Variants in ZCCHC14 observed in about 807,000 individuals in gnomAD.
ZCCHC14 encodes the protein zinc finger CCHC domain-containing protein 14.
ZCCHC14 carries 16 observed loss-of-function variants against 85.0 expected under a neutral mutation model. That is an observed-to-expected ratio of 0.19 (90% CI 0.13 to 0.29). ZCCHC14 has a LOEUF of 0.29. Among genes scored for constraint, ZCCHC14 ranks in the 10% least tolerant of loss-of-function variants. ZCCHC14 has a pLI of 1.00. For synonymous variants in ZCCHC14, 775 were observed against 630.7 expected (o/e 1.23, Z -3.43); for missense variants, 1,303 against 1,443.5 (o/e 0.90, Z 1.58).
intron 1 of ZCCHC14, among the ~76,000 whole-genome samples, chr16:87,476,415 A>G (rs1912007022): frequency 6.6e-6 from 1 of 152,082 alleles, no homozygotes; most frequent in Non-Finnish European, 1.5e-5. Flanking sequence ...CAACAATACT[A>G]TATATGTTGT....
Position 87,448,803 on chromosome 16 carries a change from T to G in ZCCHC14, c.694+11205A>C, listed in dbSNP as rs567067308. On this transcript the variant is annotated intron_variant, in intron 2 of 12. Coordinates refer to ENST00000671377, the MANE Select transcript of ZCCHC14 (RefSeq NM_015144.3). Reference sequence around the variant, plus strand: ...AAAAGATCAGCCTCTGTTCTCTGACTTGTCTGTGTACTTTGCAGTAGTCTG... The same window carrying G: ...AAAAGATCAGCCTCTGTTCTCTGACGTGTCTGTGTACTTTGCAGTAGTCTG... 2.6e-5 allele frequency among the ~76,000 whole-genome samples: 4 copies of G among 152,346 alleles called. No individual in the cohort carries two copies. The East Asian group carries it at 7.7e-4, about 29-fold the overall frequency.
At chr16:87,458,495 A>C (rs1911087112) in intron 2 of ZCCHC14, among the ~76,000 whole-genome samples, 1 of 152,202 alleles carries the variant, frequency 6.6e-6, no homozygotes, top group Non-Finnish European at 1.5e-5. Flanking sequence ...GAGCCCTCGC[A>C]GGGCTGCAGT....
At chr16:87,410,792 C>CT (rs1341744921) in intron 12 of ZCCHC14, among the ~76,000 whole-genome samples, 1 of 152,170 alleles carries the variant, frequency 6.6e-6, no homozygotes, top group Non-Finnish European at 1.5e-5. Flanking sequence ...AGGCGTGTTT[C>CT]TAAAAACTCT....
At chr16:87,458,515 C>A (rs1001978343) in intron 2 of ZCCHC14, among the ~76,000 whole-genome samples, 1 of 152,188 alleles carries the variant, frequency 6.6e-6, no homozygotes, top group Non-Finnish European at 1.5e-5. Flanking sequence ...TAAGGAGTTA[C>A]TGTCTCCATA....
At chr16:87,436,167 G>A (rs1909910193) in intron 2 of ZCCHC14, among the ~76,000 whole-genome samples, 1 of 152,240 alleles carries the variant, frequency 6.6e-6, no homozygotes, top group Non-Finnish European at 1.5e-5. Flanking sequence ...CTGAGAGTAG[G>A]AAGTGACTCA....
At chr16:87,486,454 T>C (rs1448272696) in intron 1 of ZCCHC14, among the ~76,000 whole-genome samples, 1 of 152,256 alleles carries the variant, frequency 6.6e-6, no homozygotes, top group African/African-American at 2.4e-5. Flanking sequence ...CTCTACAATG[T>C]GGCCCAGAGG....
chr16:87,417,409 T>C (rs749660996), intron 8 of ZCCHC14, 51 bp downstream of exon 8: 2 of 1,590,518 alleles, frequency 1.3e-6, no homozygotes, highest in South Asian at 1.1e-5. Flanking sequence ...CAGGGAGGTC[T>C]TGAGTAAACA....
At chr16:87,418,667 G>C (rs1348431411) in intron 7 of ZCCHC14, among the ~76,000 whole-genome samples, 180 bp downstream of exon 7, 1 of 152,186 alleles carries the variant, frequency 6.6e-6, no homozygotes, top group Non-Finnish European at 1.5e-5. Flanking sequence ...GATTCCAGTG[G>C]CTTAGAGAAC....
chr16:87,492,897 C>G lies in ZCCHC14; in HGVS notation c.-659G>C, dbSNP rs1454857572. On this transcript the variant is annotated 5_prime_UTR_variant, in exon 1 of 13. Coordinates refer to ENST00000671377, the MANE Select transcript of ZCCHC14 (RefSeq NM_015144.3). The surrounding 1 kb of genome is among the most constrained non-coding windows in gnomAD (Gnocchi z 6.7). ...GCTGCTCCCGCGCGGCGGACGGATC[C>G]GGGCCCGAGCGCGGCGGCGGCGGCG... Among the ~76,000 whole-genome samples the G allele has an allele frequency of 6.8e-6, 1 of 147,946 alleles. No individual in the cohort carries two copies. Among genetic ancestry groups the G allele is most frequent in the Non-Finnish European group, 1.5e-5 (1 of 66,542 alleles).
At position 87,419,945 on chromosome 16, in the gene ZCCHC14, A is replaced by T. The variant is rs148666541; in HGVS notation, c.951-68T>A. ...TCCTGCTGACGAATTGAAAGAAAAA[A>T]ATTTAACTTTTAATCAAGAGAAATG... On this transcript the variant is annotated intron_variant, in intron 5 of 12. Coordinates refer to ENST00000671377, the MANE Select transcript of ZCCHC14 (RefSeq NM_015144.3). 8.4e-5 allele frequency: 117 copies of T among 1,397,558 alleles called. 1 individual carries two copies. In the African/African-American group the frequency reaches 1.4e-3, roughly 17 times the overall value. The allele number at this position is 1,397,558 out of a possible 1,614,324, so 86.6% of individuals were successfully genotyped here.
intron 3 of ZCCHC14, among the ~76,000 whole-genome samples, chr16:87,432,390 C>T (rs1055611912): frequency 6.6e-6 from 1 of 152,172 alleles, no homozygotes; most frequent in African/African-American, 2.4e-5. Flanking sequence ...AGGAATGTTC[C>T]TTAAGAGAAA....
intron 3 of ZCCHC14, among the ~76,000 whole-genome samples, chr16:87,426,773 A>T (rs1909392952): frequency 6.6e-6 from 1 of 152,260 alleles, no homozygotes; most frequent in African/African-American, 2.4e-5. Context: ...AGCAAGGAGA[A>T]CACAGCAGCC....
intron 2 of ZCCHC14, among the ~76,000 whole-genome samples, chr16:87,439,833 A>G (rs1276297942): frequency 1.6e-4 from 25 of 152,260 alleles, no homozygotes; most frequent in Admixed American, 1.4e-3. Flanking sequence ...TACAATGACT[A>G]GGTTGGTAAA....
At chr16:87,456,968 T>C (rs1910998983) in intron 2 of ZCCHC14, among the ~76,000 whole-genome samples, 1 of 152,238 alleles carries the variant, frequency 6.6e-6, no homozygotes, top group Non-Finnish European at 1.5e-5. Flanking sequence ...ACTTACTTTG[T>C]TGAGAGTATT....
intron 2 of ZCCHC14, among the ~76,000 whole-genome samples, chr16:87,451,108 C>A (rs1175823510): frequency 6.6e-6 from 1 of 151,396 alleles, no homozygotes; most frequent in Non-Finnish European, 1.5e-5. Flanking sequence ...CCACATTAGC[C>A]AGGCTGGTCT....
intron 2 of ZCCHC14, among the ~76,000 whole-genome samples, chr16:87,435,202 C>T (rs912516173): frequency 6.6e-6 from 1 of 152,132 alleles, no homozygotes; most frequent in East Asian, 1.9e-4. Flanking sequence ...TCTGTGCACA[C>T]GCTCTGGGGA....
chr16:87,416,981 A>T (rs562641578), intron 8 of ZCCHC14, among the ~76,000 whole-genome samples: 1 of 152,326 alleles, frequency 6.6e-6, no homozygotes, highest in Non-Finnish European at 1.5e-5. Context: ...TATCACTGAC[A>T]TCAAGACTTA....
chr16:87,477,044 G>A (rs1011198112), intron 1 of ZCCHC14, among the ~76,000 whole-genome samples: 2 of 141,632 alleles, frequency 1.4e-5, no homozygotes, highest in Non-Finnish European at 3.0e-5. Context: ...AGAATTGCTT[G>A]AACCCAGGAG....
chr16:87,429,864 C>G (rs1209417210), intron 3 of ZCCHC14, among the ~76,000 whole-genome samples: 1 of 152,238 alleles, frequency 6.6e-6, no homozygotes, highest in African/African-American at 2.4e-5. Context: ...GCCTTGGGCT[C>G]CCAAAGTGCT....
Sources: allele counts gnomAD v4.1 joint callset (sites outside exome capture counted in the v4.1 genomes callset), GRCh38; gene constraint gnomAD v4.1.1; non-coding constraint Gnocchi (gnomAD v3.1); transcripts MANE v1.5; gene names NCBI Gene and HGNC (gene_info 2026-07-23, HGNC 2026-07-21).